Variants in LCA5 observed in about 807,000 individuals in gnomAD.
LCA5 encodes lebercilin LCA5.
LCA5 carries 37 observed loss-of-function variants against 53.0 expected under a neutral mutation model. The observed-to-expected ratio is 0.70, with a 90% CI of 0.54 to 0.92. The LOEUF (loss-of-function observed/expected upper bound fraction) is 0.92, where lower values mean the gene tolerates loss of function less well. LCA5 is among the 40% of genes least tolerant of loss of function. The pLI, the probability that LCA5 is intolerant of heterozygous loss-of-function variation, is 0.00. For synonymous variants in LCA5, 303 were observed against 282.9 expected (o/e 1.07, Z -0.71); for missense variants, 806 against 790.5 (o/e 1.02, Z -0.23).
At chr6:79,510,859 C>A (rs1050342759) in intron 3 of LCA5, among the ~76,000 whole-genome samples, 1 of 152,070 alleles carries the variant, frequency 6.6e-6, no homozygotes, top group Admixed American at 6.6e-5. Context: ...ATTAAAACCA[C>A]AATGAGATGA....
intron 1 of LCA5, among the ~76,000 whole-genome samples, chr6:79,532,084 T>C (rs1766975771): frequency 6.6e-6 from 1 of 152,208 alleles, no homozygotes; most frequent in African/African-American, 2.4e-5. Flanking sequence ...CATTAAATGG[T>C]AAATCCATCC....
chr6:79,498,068 T>A (rs989412353), intron 3 of LCA5, among the ~76,000 whole-genome samples: 1 of 151,670 alleles, frequency 6.6e-6, no homozygotes, highest in Admixed American at 6.6e-5. Context: ...ATAACCATAA[T>A]TTTACTATGG....
chr6:79,538,363 G>A (rs999971503), upstream of LCA5, among the ~76,000 whole-genome samples: 1 of 152,028 alleles, frequency 6.6e-6, no homozygotes, highest in Non-Finnish European at 1.5e-5. Flanking sequence ...GCTCAACCTC[G>A]TTTTTCCACC....
upstream of LCA5, among the ~76,000 whole-genome samples, chr6:79,538,322 T>A (rs1444888377): frequency 6.6e-6 from 1 of 152,264 alleles, no homozygotes; most frequent in East Asian, 1.9e-4. Flanking sequence ...ATGAATCTTC[T>A]AACCATGAAG....
intron 2 of LCA5, among the ~76,000 whole-genome samples, chr6:79,516,678 C>A (rs1766447621): frequency 6.6e-6 from 1 of 151,726 alleles, no homozygotes; most frequent in Non-Finnish European, 1.5e-5. Context: ...ATATTTTAAA[C>A]CATCAAGTGC....
chr6:79,537,749 C>A (rs764319954), upstream of LCA5, among the ~76,000 whole-genome samples: 12 of 152,112 alleles, frequency 7.9e-5, no homozygotes, highest in Non-Finnish European at 1.8e-4. Flanking sequence ...TTGGCGACTG[C>A]GTAATGTAAA....
rs1582619128 is a variant in LCA5 at position 79,493,745 on chromosome 6, T to C, written c.726A>G (p.Leu242=). The C allele has an allele frequency of 6.2e-7, 1 of 1,611,862 alleles. No individual in the cohort carries two copies. The highest frequency in any genetic ancestry group is 8.5e-7 in the Non-Finnish European group (1 of 1,178,578). Reference sequence around the variant, plus strand: ...TAGTACTCAGTTCAAGGTTTTTCGATAGCTCCTATATGTATAAATACATAA... The same window carrying C: ...TAGTACTCAGTTCAAGGTTTTTCGACAGCTCCTATATGTATAAATACATAA... ...LDDTERRIKE[L]SKNLELSTNS... The change falls in exon 4 of 8, where the codon CTA becomes CTG. Residue 242 remains leucine (L), a synonymous_variant. Transcript: ENST00000369846.
At chr6:79,521,719 T>A (rs1766630120) in intron 1 of LCA5, among the ~76,000 whole-genome samples, 1 of 152,200 alleles carries the variant, frequency 6.6e-6, no homozygotes. Flanking sequence ...ACTAGGAACA[T>A]TCCTAGAACC....
intron 1 of LCA5, among the ~76,000 whole-genome samples, chr6:79,530,110 AT>A (rs1214647597): frequency 6.6e-6 from 1 of 151,866 alleles, no homozygotes; most frequent in East Asian, 1.9e-4. Flanking sequence ...TATAATAAAA[AT>A]ATATATATAT....
At chr6:79,505,145 A>T (rs1770242173) in intron 3 of LCA5, among the ~76,000 whole-genome samples, 1 of 152,148 alleles carries the variant, frequency 6.6e-6, no homozygotes, top group African/African-American at 2.4e-5. Flanking sequence ...GTTATCTTAG[A>T]TATTAACACA....
chr6:79,512,433 T>C (rs1766250971), intron 3 of LCA5, among the ~76,000 whole-genome samples: 1 of 152,142 alleles, frequency 6.6e-6, no homozygotes, highest in African/African-American at 2.4e-5. Context: ...ATAGAGTAAG[T>C]ACCACAACAT....
Position 79,487,591 on chromosome 6 carries a change from C to G in LCA5, c.1507G>C (p.Glu503Gln). 6.8e-6 allele frequency: 11 copies of G among 1,614,042 alleles called. No homozygotes were observed. Among genetic ancestry groups the G allele is most frequent in the Non-Finnish European group, 9.3e-6 (11 of 1,179,922 alleles). The change falls in exon 8 of 8, where the codon GAG (glutamate) becomes CAG (glutamine). Residue 503 changes from glutamate to glutamine, a missense_variant. Physicochemically the swap from Glu to Gln is conservative, Grantham distance 29. Transcript: ENST00000369846. ...PDFESKLHSP[E>Q]RSPKTYRFSE... ...AACCTGTATGTTTTGGGGCTTCTCT[C>G]TGGGGAGTGTAGTTTTGATTCAAAA...
chr6:79,536,730 G>A (rs995459909), intron 1 of LCA5, among the ~76,000 whole-genome samples: 2 of 152,088 alleles, frequency 1.3e-5, no homozygotes, highest in African/African-American at 2.4e-5. Flanking sequence ...CTCCTTTTCC[G>A]TCTTGGCCCT....
chr6:79,489,881 TC>T (rs1281578148), intron 6 of LCA5, among the ~76,000 whole-genome samples: 2 of 152,064 alleles, frequency 1.3e-5, no homozygotes, highest in African/African-American at 4.8e-5. Flanking sequence ...TTTGCTACCC[TC>T]CCTTGCAGCT....
chr6:79,497,818 C>T (rs1178350042), intron 3 of LCA5, among the ~76,000 whole-genome samples: 1 of 151,836 alleles, frequency 6.6e-6, no homozygotes. Context: ...ACTAAAAATA[C>T]AAAAATTAGC....
Position 79,487,267 on chromosome 6 carries a change from C to T in LCA5, c.1831G>A (p.Ala611Thr). 1.2e-6 allele frequency: 2 copies of T among 1,614,074 alleles called. No individual in the cohort carries two copies. The highest frequency in any genetic ancestry group is 1.7e-6 in the Non-Finnish European group (2 of 1,179,960). ...GAGGAAATGGTGCTGCTACCACTGG[C>T]ACCAAATAACTGTTCCATCAAATTA... ...KANLMEQLFGASGSSTISSKS... is the reference protein window; with the variant it reads ...KANLMEQLFGTSGSSTISSKS... The change falls in exon 8 of 8, where the codon GCC becomes ACC. Residue 611 changes from alanine to threonine, a missense_variant. Transcript: ENST00000369846.
intron 1 of LCA5, among the ~76,000 whole-genome samples, chr6:79,524,946 G>A (rs1218374801): frequency 6.6e-6 from 1 of 151,230 alleles, no homozygotes; most frequent in Non-Finnish European, 1.5e-5. Flanking sequence ...AAATAATAAG[G>A]CTACTTTTTT....
intron 3 of LCA5, among the ~76,000 whole-genome samples, chr6:79,511,045 A>C (rs1770397479): frequency 6.6e-6 from 1 of 152,142 alleles, no homozygotes. Context: ...AACAACAACA[A>C]AGAAAAAAAT....
At position 79,519,041 on chromosome 6, in the gene LCA5, T is replaced by C. The variant is rs1033503845; in HGVS notation, c.-147A>G. On this transcript the variant is annotated 5_prime_UTR_variant, in exon 2 of 8. Coordinates refer to ENST00000369846, the MANE Select transcript of LCA5 (RefSeq NM_001122769.3). ...ATCTATTTTCTCCACAATGTATTTG[T>C]AGACCACAATTCACATTGGCATCCA... The C allele has an allele frequency of 1.1e-5, 10 of 881,598 alleles. No individual in the cohort carries two copies. Among genetic ancestry groups the C allele is most frequent in the Admixed American group, 5.6e-5 (3 of 54,012 alleles). The allele number at this position is 881,598 out of a possible 1,614,324, so 54.6% of individuals were successfully genotyped here.
Sources: allele counts gnomAD v4.1 joint callset (sites outside exome capture counted in the v4.1 genomes callset), GRCh38; gene constraint gnomAD v4.1.1; transcripts MANE v1.5; gene names NCBI Gene and HGNC (gene_info 2026-07-23, HGNC 2026-07-21).